Variants in DKK4 observed in about 807,000 individuals in gnomAD.
DKK4 encodes dickkopf Wnt signaling pathway inhibitor 4.
Under a neutral mutation model 14.5 loss-of-function variants are expected in DKK4, and 15 were observed. The ratio of observed to expected loss-of-function variants is 1.03; its 90% CI spans 0.69 to 1.59. The LOEUF (loss-of-function observed/expected upper bound fraction) is 1.59. DKK4 is among the 40% of genes most tolerant of loss of function. The pLI is 0.00. For synonymous variants in DKK4, 89 were observed against 105.2 expected (o/e 0.85, Z 0.94); for missense variants, 272 against 280.3 (o/e 0.97, Z 0.21).
At chr8:42,378,993 G>A (rs1824613199), upstream of DKK4, among the ~76,000 whole-genome samples, 3 of 149,870 alleles carry the variant, frequency 2.0e-5, no homozygotes. Context: ...GCTGACGCCT[G>A]TAATCTCACC....
intron 2 of DKK4, among the ~76,000 whole-genome samples, chr8:42,375,347 C>G (rs1824536399): frequency 6.6e-6 from 1 of 151,984 alleles, no homozygotes; most frequent in Non-Finnish European, 1.5e-5. Flanking sequence ...TCGAGACTAG[C>G]CTGACCAACA....
rs765296632 is a variant in DKK4, at chr8:42,375,688, CAG to C, written c.252_253del (p.Val86GlufsTer19). Reference sequence around the variant, plus strand: ...GGCGTTATGTCGCTCACCGTTCACACAGAGTGTCCCAGGGCAGCACATGGCAT... The same window carrying C: ...GGCGTTATGTCGCTCACCGTTCACACAGTGTCCCAGGGCAGCACATGGCAT... On this transcript the variant is annotated frameshift_variant, in exon 2 of 4. Coordinates refer to ENST00000220812, the MANE Select transcript of DKK4 (RefSeq NM_014420.3). LOFTEE classifies it high-confidence loss of function. 10 of 1,613,324 alleles carry C rather than the reference CAG, an allele frequency of 6.2e-6. No homozygotes were observed. The highest frequency in any genetic ancestry group is 5.3e-5 in the African/African-American group (4 of 74,886).
chr8:42,382,085 C>T (rs1405085700), upstream of DKK4, among the ~76,000 whole-genome samples: 1 of 152,216 alleles, frequency 6.6e-6, no homozygotes, highest in Non-Finnish European at 1.5e-5. Context: ...CTTCCATAGA[C>T]TTTAGTGCCT....
At chr8:42,380,640 GAA>G (rs781225842), upstream of DKK4, among the ~76,000 whole-genome samples, 17 of 126,174 alleles carry the variant, frequency 1.3e-4, no homozygotes, top group Non-Finnish European at 2.3e-4. Flanking sequence ...AAAGAGGAAA[GAA>G]AGTGAGAGAA....
upstream of DKK4, chr8:42,377,279 C>A: frequency 2.0e-6 from 1 of 506,142 alleles, no homozygotes; most frequent in South Asian, 3.0e-5. Flanking sequence ...TGCCTCCTCC[C>A]CGCTCCGTTC....
At chr8:42,387,853 A>G in the DKK4 span, among the ~76,000 whole-genome samples, 2 of 151,566 alleles carry the variant, frequency 1.3e-5, no homozygotes, top group Admixed American at 1.3e-4. Flanking sequence ...TTTCAGAAGA[A>G]AGACCTTCAG....
intron 2 of DKK4, 134 bp downstream of exon 2, chr8:42,375,546 G>A: frequency 9.0e-7 from 1 of 1,113,958 alleles, no homozygotes; most frequent in Middle Eastern, 3.2e-4. Context: ...AAAAGAAAAG[G>A]CAGCTGCATA....
At chr8:42,376,897 G>T (rs1352261815) in intron 1 of DKK4, 38 bp downstream of exon 1, 1 of 1,534,092 alleles carries the variant, frequency 6.5e-7, no homozygotes, top group Non-Finnish European at 9.0e-7. Flanking sequence ...CCAGCTGTCA[G>T]CAGTCCCGTA....
At chr8:42,380,027 C>T (rs1824644496), upstream of DKK4, among the ~76,000 whole-genome samples, 1 of 152,072 alleles carries the variant, frequency 6.6e-6, no homozygotes, top group African/African-American at 2.4e-5. Flanking sequence ...CATAGCAAGA[C>T]CCTGTCTCCA....
Position 42,377,003 on chromosome 8 carries a change from G to A in DKK4, c.43C>T (p.Pro15Ser). The change falls in exon 1 of 4, where the codon CCC (proline) becomes TCC (serine). Residue 15 changes from proline (P) to serine (S), a missense_variant. Pro to Ser is a moderately conservative substitution (Grantham distance 74). Transcript: ENST00000220812. ...VLLGLSWLCS[P>S]LGALVLDFNN... Reference sequence around the variant, plus strand: ...AAGTCCAGGACCAGAGCTCCCAGGGGAGAGCAGAGCCAGCTCAGCCCCAGC... The same window carrying A: ...AAGTCCAGGACCAGAGCTCCCAGGGAAGAGCAGAGCCAGCTCAGCCCCAGC... 6.2e-7 allele frequency: 1 copy of A among 1,613,654 alleles called. No homozygotes were observed. The highest frequency in any genetic ancestry group is 8.5e-7 in the Non-Finnish European group (1 of 1,180,018).
In DKK4 at chr8:42,377,135, T is replaced by G; in HGVS notation, c.-90A>C. 1 of 1,029,956 alleles carries G rather than the reference T, an allele frequency of 9.7e-7. No homozygotes were observed. The highest frequency in any genetic ancestry group is 1.6e-5 in the African/African-American group (1 of 63,010). 63.8% of individuals were successfully genotyped at this position (1,029,956 alleles called of 1,614,324 possible). On this transcript the variant is annotated 5_prime_UTR_variant, in exon 1 of 4. Coordinates refer to ENST00000220812, the MANE Select transcript of DKK4 (RefSeq NM_014420.3). ...ACCCAGAGCAGAGCTTCCACTAAGCTGGCAGCTCAGCACGTCGTCTGTTTG... is the reference window on the plus strand; with the variant it reads ...ACCCAGAGCAGAGCTTCCACTAAGCGGGCAGCTCAGCACGTCGTCTGTTTG...
At chr8:42,379,374 TATATAGAGAGAG>T (rs1193534977), upstream of DKK4, among the ~76,000 whole-genome samples, 69 of 48,344 alleles carry the variant, frequency 1.4e-3, no homozygotes, top group East Asian at 9.2e-3. Flanking sequence ...TATATATATA[TATATAGAGAGAG>T]AGAGAGAGAG....
At chr8:42,385,939 T>A in the DKK4 span, among the ~76,000 whole-genome samples, 1 of 152,258 alleles carries the variant, frequency 6.6e-6, no homozygotes, top group African/African-American at 2.4e-5. Flanking sequence ...CATATGTACA[T>A]GCAGCATTTA....
At chr8:42,377,318 A>C, upstream of DKK4, 1 of 398,722 alleles carries the variant, frequency 2.5e-6, no homozygotes, top group South Asian at 5.1e-5. Context: ...AGGCTTCAAC[A>C]AATCCCTTCA....
At chr8:42,390,896 T>G in the DKK4 span, among the ~76,000 whole-genome samples, 2 of 152,172 alleles carry the variant, frequency 1.3e-5, no homozygotes, top group African/African-American at 4.8e-5. Flanking sequence ...GAAGGTACCC[T>G]TTTCTCTTTA....
upstream of DKK4, among the ~76,000 whole-genome samples, chr8:42,380,110 A>G (rs796174680): frequency 6.6e-6 from 1 of 152,110 alleles, no homozygotes; most frequent in Non-Finnish European, 1.5e-5. Flanking sequence ...AGATGGGAGG[A>G]TCACTTGAAG....
intron 1 of DKK4, 70 bp downstream of exon 1, chr8:42,376,865 A>G: frequency 7.9e-7 from 1 of 1,260,114 alleles, no homozygotes; most frequent in African/African-American, 1.5e-5. Context: ...AGAATGACTT[A>G]CTAAAGCCTA....
upstream of DKK4, among the ~76,000 whole-genome samples, chr8:42,379,292 T>C (rs1462434164): frequency 7.0e-6 from 1 of 142,598 alleles, no homozygotes; most frequent in Non-Finnish European, 1.5e-5. Context: ...TGTTCACCTG[T>C]AGTTTCAGCA....
At chr8:42,384,781 G>C in the DKK4 span, among the ~76,000 whole-genome samples, 1 of 152,098 alleles carries the variant, frequency 6.6e-6, no homozygotes, top group Non-Finnish European at 1.5e-5. Context: ...CAAGAATTCT[G>C]GTTTCAAAGT....
Sources: allele counts gnomAD v4.1 joint callset (sites outside exome capture counted in the v4.1 genomes callset), GRCh38; gene constraint gnomAD v4.1.1; transcripts MANE v1.5; gene names NCBI Gene and HGNC (gene_info 2026-07-23, HGNC 2026-07-21).